LAT2: variants seen among roughly 807,000 people sequenced by gnomAD.
LAT2 encodes the protein linker for activation of T cells family member 2, also known as linker for activation of T-cells family member 2.
In LAT2, 23 loss-of-function variants were observed where a neutral mutation model predicts 43.4. The observed-to-expected ratio is 0.53, with a 90% CI of 0.38 to 0.75. The LOEUF (loss-of-function observed/expected upper bound fraction) is 0.75. Ranked by LOEUF, LAT2 falls within the 30% of genes least tolerant of loss-of-function variation. The pLI, the probability that LAT2 is intolerant of heterozygous loss-of-function variation, is 0.00. For missense variants in LAT2, 284 were observed against 310.2 expected (o/e 0.92, Z 0.64); for synonymous variants, 128 against 123.2 (o/e 1.04, Z -0.26).
chr7:74,222,538 T>C (rs1554715473), intron 10 of LAT2, among the ~76,000 whole-genome samples: 2 of 151,698 alleles, frequency 1.3e-5, no homozygotes, highest in Non-Finnish European at 2.9e-5. Context: ...GGTAGGACCA[T>C]GGTGTTGGGG....
intron 1 of LAT2, among the ~76,000 whole-genome samples, chr7:74,210,437 C>G (rs902431366): frequency 3.3e-5 from 5 of 152,198 alleles, no homozygotes; most frequent in Non-Finnish European, 7.4e-5. Flanking sequence ...GGACTGTAAC[C>G]CCCTACACAG....
At position 74,229,651 on chromosome 7, in the gene LAT2, T is replaced by TC. The variant is rs1294370513; in HGVS notation, c.*730dup. On this transcript the variant is annotated 3_prime_UTR_variant, in exon 14 of 14. Coordinates refer to ENST00000460943, the MANE Select transcript of LAT2 (RefSeq NM_032464.3). ...AGTGACCAGAACAGGGCAGAGTAGGTCCCCTCCATGGCCCTGAATCCTCCT... is the reference window on the plus strand; with the variant it reads ...AGTGACCAGAACAGGGCAGAGTAGGTCCCCCTCCATGGCCCTGAATCCTCCT... 6.6e-6 allele frequency: 1 copy of TC among 152,364 alleles called. No individual in the cohort carries two copies. Among genetic ancestry groups the TC allele is most frequent in the Non-Finnish European group, 1.5e-5 (1 of 68,038 alleles). The allele number at this position is 152,364 out of a possible 1,614,324, so 9.4% of individuals were successfully genotyped here. A position where few individuals can be genotyped will look rare whatever the true frequency, so the allele number is the denominator to read the frequency against.
chr7:74,217,055 G>A (rs1034726502), intron 4 of LAT2, among the ~76,000 whole-genome samples, 191 bp downstream of exon 4: 3 of 152,158 alleles, frequency 2.0e-5, no homozygotes, highest in Admixed American at 6.5e-5. Context: ...GCTGTAGCTT[G>A]GGTTAGGGAG....
At position 74,220,678 on chromosome 7, in the gene LAT2, G is replaced by T; in HGVS notation, c.302-26G>T. ...GGTGGGGGCCACACCCAGGGGCTCAGGCCCAATTCTCGCCTCCTCCCGCAG... is the reference window on the plus strand; with the variant it reads ...GGTGGGGGCCACACCCAGGGGCTCATGCCCAATTCTCGCCTCCTCCCGCAG... On this transcript the variant is annotated intron_variant, in intron 8 of 13. Coordinates refer to ENST00000460943, the MANE Select transcript of LAT2 (RefSeq NM_032464.3). The surrounding 1 kb of genome is among the most constrained non-coding windows in gnomAD (Gnocchi z 4.5). The T allele has an allele frequency of 6.2e-7, 1 of 1,612,520 alleles. No homozygotes were observed.
At chr7:74,227,767 GA>G (rs1293916130) in intron 13 of LAT2, among the ~76,000 whole-genome samples, 2 of 152,158 alleles carry the variant, frequency 1.3e-5, no homozygotes, top group African/African-American at 4.8e-5. Flanking sequence ...CAGCTACTCG[GA>G]GGTTGAGGCG....
chr7:74,211,882 G>A (rs892117817), intron 1 of LAT2, among the ~76,000 whole-genome samples: 3 of 152,098 alleles, frequency 2.0e-5, no homozygotes, highest in Non-Finnish European at 4.4e-5. Flanking sequence ...GTGAACTACC[G>A]CACCCGGCCA....
intron 1 of LAT2, among the ~76,000 whole-genome samples, chr7:74,214,150 A>T (rs1463899220): frequency 1.5e-5 from 1 of 65,596 alleles, no homozygotes; most frequent in East Asian, 3.2e-4. Flanking sequence ...AAATATATAT[A>T]AATATATATA....
Position 74,220,691 on chromosome 7 carries a change from C to T in LAT2, c.302-13C>T, listed in dbSNP as rs374479985. ...CCCAGGGGCTCAGGCCCAATTCTCG[C>T]CTCCTCCCGCAGGAAGCAGACACGG... On this transcript the variant is annotated splice_polypyrimidine_tract_variant and intron_variant, in intron 8 of 13. Coordinates refer to ENST00000460943, the MANE Select transcript of LAT2 (RefSeq NM_032464.3). The surrounding 1 kb of genome is among the most constrained non-coding windows in gnomAD (Gnocchi z 4.5). 1 of 1,610,536 alleles carries T rather than the reference C, an allele frequency of 6.2e-7. No homozygotes were observed. Among genetic ancestry groups the T allele is most frequent in the Non-Finnish European group, 8.5e-7 (1 of 1,177,162 alleles).
chr7:74,214,016 A>G (rs1801835566), intron 1 of LAT2, among the ~76,000 whole-genome samples: 1 of 144,018 alleles, frequency 6.9e-6, no homozygotes, highest in Admixed American at 7.5e-5. Flanking sequence ...TAGCATGATC[A>G]CAGCTCACTG....
chr7:74,217,972 G>A (rs1421094289), intron 4 of LAT2, among the ~76,000 whole-genome samples: 5 of 152,120 alleles, frequency 3.3e-5, no homozygotes, highest in East Asian at 1.9e-4. Context: ...TTCTGGCCAC[G>A]TGGCTTTCTG....
intron 3 of LAT2, among the ~76,000 whole-genome samples, chr7:74,216,518 C>T (rs1334933618): frequency 6.6e-6 from 1 of 152,046 alleles, no homozygotes; most frequent in Non-Finnish European, 1.5e-5. Context: ...ACTACAGGTG[C>T]CTGCCACCAT....
In LAT2 at chr7:74,220,552, G is replaced by A; in HGVS notation, c.266-32G>A. The A allele has an allele frequency of 6.2e-7, 1 of 1,613,760 alleles. No homozygotes were observed. The highest frequency in any genetic ancestry group is 8.5e-7 in the Non-Finnish European group (1 of 1,179,862). On this transcript the variant is annotated intron_variant, in intron 7 of 13. Coordinates refer to ENST00000460943, the MANE Select transcript of LAT2 (RefSeq NM_032464.3). The surrounding 1 kb of genome is among the most constrained non-coding windows in gnomAD (Gnocchi z 4.5). ...AGCTGGGTGCAAAGCAGGGGCCAGG[G>A]GAGAAAGCAATTAGCTGGGTCTTTC...
chr7:74,214,091 A>AATATATATAAATATATATATATGAAAAT (rs1801845071), intron 1 of LAT2, among the ~76,000 whole-genome samples: 1 of 111,446 alleles, frequency 9.0e-6, no homozygotes, highest in African/African-American at 4.3e-5. Flanking sequence ...TATATGAAAA[A>AATATATATAAATATATATATATGAAAAT]ATATATATAA....
intron 11 of LAT2, 41 bp downstream of exon 11, chr7:74,223,824 G>A: frequency 1.3e-6 from 2 of 1,597,240 alleles, no homozygotes; most frequent in Non-Finnish European, 1.7e-6. Context: ...GCTGGGAGCA[G>A]CAGGCCTCCT....
At chr7:74,215,203 A>AG (rs1199055169) in intron 2 of LAT2, 193 bp downstream of exon 2, 1 of 152,592 alleles carries the variant, frequency 6.6e-6, no homozygotes, top group African/African-American at 2.4e-5. Flanking sequence ...GCAGTGCCCT[A>AG]GGGCCCCATC....
intron 1 of LAT2, among the ~76,000 whole-genome samples, chr7:74,213,703 G>T (rs545786422): frequency 2.0e-5 from 3 of 152,104 alleles, no homozygotes; most frequent in African/African-American, 7.2e-5. Context: ...GATTACAGGC[G>T]TGAGCCACCA....
At chr7:74,213,421 A>ATTTTTTT (rs1174359277) in intron 1 of LAT2, among the ~76,000 whole-genome samples, 1 of 103,330 alleles carries the variant, frequency 9.7e-6, no homozygotes. Context: ...GTGCCCGGCC[A>ATTTTTTT]TTTTTTTTTT....
intron 4 of LAT2, among the ~76,000 whole-genome samples, chr7:74,218,064 C>T (rs1554714491): frequency 1.3e-5 from 2 of 152,176 alleles, no homozygotes; most frequent in African/African-American, 2.4e-5. Flanking sequence ...CTGCCCACCC[C>T]CAGCCCCCTG....
At chr7:74,228,923 A>C (rs1157123460) in intron 13 of LAT2, 21 bp from the exon 14 acceptor site, 1 of 152,262 alleles carries the variant, frequency 6.6e-6, no homozygotes, top group Admixed American at 6.5e-5. Context: ...CTCCTTCTAC[A>C]AACTTTCCTC....
Sources: gnomAD v4.1 joint callset for allele counts (sites outside exome capture counted in the v4.1 genomes callset) on GRCh38, gnomAD v4.1.1 for gene constraint, Gnocchi (gnomAD v3.1) non-coding constraint, MANE v1.5 for transcripts, NCBI Gene and HGNC (gene_info 2026-07-23, HGNC 2026-07-21) for gene names.